Variants in NRG3 observed in about 807,000 individuals in gnomAD.
NRG3 encodes neuregulin 3, also known as pro-neuregulin-3, membrane-bound isoform.
In NRG3, 31 loss-of-function variants were observed where a neutral mutation model predicts 66.9. That is an observed-to-expected ratio of 0.46 (90% CI 0.35 to 0.63). NRG3 has a LOEUF of 0.63. Among genes scored for constraint, NRG3 ranks in the 20% least tolerant of loss-of-function variants. The pLI, the probability that NRG3 is intolerant of heterozygous loss-of-function variation, is 0.00. For missense variants in NRG3, 910 were observed against 878.9 expected, an observed-to-expected ratio of 1.04 and a Z score of -0.45; for synonymous variants, 393 against 359.4, an observed-to-expected ratio of 1.09 and a Z score of -1.06.
At chr10:82,576,779 G>A (rs1319692291) in intron 2 of NRG3, among the ~76,000 whole-genome samples, 1 of 151,566 alleles carries the variant, frequency 6.6e-6, no homozygotes, top group Non-Finnish European at 1.5e-5. Context: ...GTAAACTCTT[G>A]CAGCACCAGT....
At position 82,290,554 on chromosome 10, in the gene NRG3, G is replaced by A. The variant is rs549958086; in HGVS notation, c.824-68185G>A. On this transcript the variant is annotated intron_variant, in intron 1 of 8. Coordinates refer to ENST00000372141, the MANE Select transcript of NRG3 (RefSeq NM_001010848.4). ...TTAATTTTGGTATGGATTCCCTAATGATTGCACAGTTACTTGTATATATTT... is the reference window on the plus strand; with the variant it reads ...TTAATTTTGGTATGGATTCCCTAATAATTGCACAGTTACTTGTATATATTT... Among the ~76,000 whole-genome samples, 4 of 152,082 alleles carry A rather than the reference G, an allele frequency of 2.6e-5. No individual in the cohort carries two copies. The South Asian group carries it at 8.3e-4, about 32-fold the overall frequency.
At chr10:82,703,035 C>T (rs1179927278) in intron 2 of NRG3, among the ~76,000 whole-genome samples, 2 of 147,342 alleles carry the variant, frequency 1.4e-5, no homozygotes, top group African/African-American at 5.0e-5. Flanking sequence ...CTTTCTTAAC[C>T]CTTCCTTCCT....
At chr10:82,232,639 C>A in intron 1 of NRG3, 1 of 625,752 alleles carries the variant, frequency 1.6e-6, no homozygotes, top group South Asian at 2.0e-5. Flanking sequence ...TATGATTTGT[C>A]AGAAATTTTG....
At chr10:82,744,736 T>G (rs565441557) in intron 3 of NRG3, among the ~76,000 whole-genome samples, 1 of 152,302 alleles carries the variant, frequency 6.6e-6, no homozygotes, top group East Asian at 1.9e-4. Flanking sequence ...AGTTTGACAT[T>G]GGACAAGTTG....
chr10:82,235,204 C>G (rs2076695252), intron 1 of NRG3, among the ~76,000 whole-genome samples: 1 of 152,206 alleles, frequency 6.6e-6, no homozygotes, highest in South Asian at 2.1e-4. Flanking sequence ...CAGCTGCACC[C>G]TTTCATGTAC....
At chr10:81,918,224 T>C (rs60463595) in intron 1 of NRG3, among the ~76,000 whole-genome samples, 2,871 of 152,302 alleles carry the variant, frequency 0.019, 79 homozygotes, top group African/African-American at 0.063. Flanking sequence ...CCCCATCTTA[T>C]TCCAGAAAGG....
intron 2 of NRG3, among the ~76,000 whole-genome samples, chr10:82,564,854 A>G (rs1360111100): frequency 6.6e-6 from 1 of 152,152 alleles, no homozygotes; most frequent in African/African-American, 2.4e-5. Flanking sequence ...TCTTTGTAAT[A>G]TAGAAAGCAT....
At chr10:82,727,668 C>T (rs940759530) in intron 2 of NRG3, among the ~76,000 whole-genome samples, 7 of 152,180 alleles carry the variant, frequency 4.6e-5, no homozygotes, top group Non-Finnish European at 1.0e-4. Flanking sequence ...GGGGTTGAGG[C>T]CTTCACACAG....
In NRG3 at chr10:82,784,470, G is replaced by T. The variant is rs537116930; in HGVS notation, c.1027+45820G>T. ...TTGCAACCTACTCATCTGACAAAAGGCTAATATCCAGAATCTACAATGAAC... is the reference window on the plus strand; with the variant it reads ...TTGCAACCTACTCATCTGACAAAAGTCTAATATCCAGAATCTACAATGAAC... On this transcript the variant is annotated intron_variant, in intron 3 of 8. Transcript: ENST00000372141. Among the ~76,000 whole-genome samples the T allele has an allele frequency of 2.6e-4, 40 of 152,128 alleles. No individual in the cohort carries two copies. In the East Asian group the frequency reaches 6.6e-3, roughly 25 times the overall value.
At chr10:82,959,574 G>A (rs1000591643) in intron 6 of NRG3, among the ~76,000 whole-genome samples, 1 of 152,132 alleles carries the variant, frequency 6.6e-6, no homozygotes, top group South Asian at 2.1e-4. Flanking sequence ...AGTCGGACTC[G>A]GACTGGGTTT....
chr10:82,051,021 T>C (rs2063566368), intron 1 of NRG3, among the ~76,000 whole-genome samples: 1 of 152,120 alleles, frequency 6.6e-6, no homozygotes, highest in Non-Finnish European at 1.5e-5. Context: ...CTGTGATCAA[T>C]TTGGGAGCCA....
At chr10:81,986,693 A>G (rs1366745249) in intron 1 of NRG3, among the ~76,000 whole-genome samples, 1 of 152,088 alleles carries the variant, frequency 6.6e-6, no homozygotes, top group Non-Finnish European at 1.5e-5. Flanking sequence ...TGAATTTTTT[A>G]TTTTATTTTA....
At chr10:82,483,676 A>C (rs1223316811) in intron 2 of NRG3, among the ~76,000 whole-genome samples, 8 of 152,176 alleles carry the variant, frequency 5.3e-5, no homozygotes, top group Non-Finnish European at 1.0e-4. Flanking sequence ...TCTGTCACTA[A>C]CGGAGATTTC....
intron 3 of NRG3, among the ~76,000 whole-genome samples, chr10:82,772,239 T>C (rs528433317): frequency 6.6e-6 from 1 of 152,322 alleles, no homozygotes; most frequent in South Asian, 2.1e-4. Flanking sequence ...GATTAGCAGA[T>C]CTATCATCTA....
At chr10:82,525,162 A>G (rs1846573514) in intron 2 of NRG3, among the ~76,000 whole-genome samples, 1 of 151,916 alleles carries the variant, frequency 6.6e-6, no homozygotes, top group Non-Finnish European at 1.5e-5. Context: ...ACAAATCTAA[A>G]AAGTTTGTAA....
At chr10:82,632,962 T>G (rs2049944143) in intron 2 of NRG3, among the ~76,000 whole-genome samples, 1 of 152,288 alleles carries the variant, frequency 6.6e-6, no homozygotes, top group South Asian at 2.1e-4. Flanking sequence ...TGATTTAGTC[T>G]TTGATGCAGT....
intron 1 of NRG3, among the ~76,000 whole-genome samples, chr10:82,288,893 C>T (rs980849987): frequency 2.0e-5 from 3 of 152,188 alleles, no homozygotes; most frequent in African/African-American, 4.8e-5. Flanking sequence ...AACTGGTCAA[C>T]CTATAAATCC....
intron 2 of NRG3, among the ~76,000 whole-genome samples, chr10:82,444,918 A>C (rs1056105003): frequency 1.3e-5 from 2 of 152,250 alleles, no homozygotes; most frequent in Non-Finnish European, 2.9e-5. Flanking sequence ...TTGCATAAGC[A>C]GTGATCTGAA....
chr10:82,506,002 C>G (rs577269903), intron 2 of NRG3, among the ~76,000 whole-genome samples: 1 of 152,320 alleles, frequency 6.6e-6, no homozygotes, highest in Non-Finnish European at 1.5e-5. Context: ...AATCCCAGCA[C>G]TTTGGGAGGC....
Sources: gnomAD v4.1 joint callset for allele counts (sites outside exome capture counted in the v4.1 genomes callset) on GRCh38, gnomAD v4.1.1 for gene constraint, MANE v1.5 for transcripts, NCBI Gene and HGNC (gene_info 2026-07-23, HGNC 2026-07-21) for gene names.